Variants in CACNA1E observed in about 807,000 individuals in gnomAD.
The protein encoded by CACNA1E is voltage-dependent R-type calcium channel subunit alpha-1E.
In CACNA1E, 40 loss-of-function variants were observed where a neutral mutation model predicts 259.2. The observed-to-expected ratio is 0.15, with a 90% confidence interval of 0.12 to 0.20. The LOEUF (loss-of-function observed/expected upper bound fraction) is 0.20. Among genes scored for constraint, CACNA1E ranks in the 10% least tolerant of loss-of-function variants. The pLI, the probability that CACNA1E is intolerant of heterozygous loss-of-function variation, is 1.00. For missense variants in CACNA1E, 1,874 were observed against 3,040.1 expected, an observed-to-expected ratio of 0.62 and a Z score of 9.02; for synonymous variants, 1,104 against 1,138.5, an observed-to-expected ratio of 0.97 and a Z score of 0.61.
At chr1:181,532,434 G>A (rs753370786) in intron 3 of CACNA1E, among the ~76,000 whole-genome samples, 1 of 152,230 alleles carries the variant, frequency 6.6e-6, no homozygotes, top group Non-Finnish European at 1.5e-5. Context: ...TGGGTGTGTG[G>A]CAGCAGCACC....
At chr1:181,762,960 A>T (rs1658714398) in intron 33 of CACNA1E, among the ~76,000 whole-genome samples, 1 of 152,166 alleles carries the variant, frequency 6.6e-6, no homozygotes. Context: ...GTCTCAAAGG[A>T]GGCACAGTAT....
At chr1:181,745,970 G>A (rs4652677) in intron 25 of CACNA1E, among the ~76,000 whole-genome samples, 25,363 of 152,116 alleles carry the variant, frequency 0.17, 2,208 homozygotes, top group South Asian at 0.25. Flanking sequence ...AAAGGCTCTC[G>A]GGAGTGTGTG....
intron 2 of CACNA1E, among the ~76,000 whole-genome samples, chr1:181,447,684 T>C (rs1387777570): frequency 1.3e-5 from 2 of 152,210 alleles, no homozygotes; most frequent in Admixed American, 6.5e-5. Context: ...AGACCTGGTA[T>C]GGGCCTCCCC....
At chr1:181,661,675 A>C (rs1448989366) in intron 7 of CACNA1E, among the ~76,000 whole-genome samples, 4 of 152,100 alleles carry the variant, frequency 2.6e-5, no homozygotes, top group African/African-American at 9.7e-5. Context: ...TGTAAGCTAT[A>C]ATTTTTTGAG....
At chr1:181,411,387 A>AT (rs1344281811) in intron 1 of CACNA1E, among the ~76,000 whole-genome samples, 2 of 152,142 alleles carry the variant, frequency 1.3e-5, no homozygotes, top group Non-Finnish European at 2.9e-5. Context: ...CTCAACCTTT[A>AT]GGGGTGTAGT....
intron 2 of CACNA1E, among the ~76,000 whole-genome samples, chr1:181,423,589 G>C (rs1487289319): frequency 6.6e-6 from 1 of 151,900 alleles, no homozygotes; most frequent in Non-Finnish European, 1.5e-5. Context: ...TTCAGCATCA[G>C]CAACATATTC....
chr1:181,807,902 A>C lies in CACNA1E; in HGVS notation c.*9068A>C, dbSNP rs566181213. The C allele has an allele frequency of 3.3e-5, 5 of 152,230 alleles. No homozygotes were observed. In the South Asian group the frequency reaches 1.0e-3, roughly 32 times the overall value. The allele number at this position is 152,230 out of a possible 1,614,324, so 9.4% of individuals were successfully genotyped here. On this transcript the variant is annotated 3_prime_UTR_variant, in exon 48 of 48. Transcript: ENST00000367573. ...CTATCACCATTGGAGTTAGAATCTG[A>C]CAACCTTTAACTTCACACTTTTATG...
At chr1:181,658,889 G>T (rs926261949) in intron 7 of CACNA1E, among the ~76,000 whole-genome samples, 2 of 152,004 alleles carry the variant, frequency 1.3e-5, no homozygotes, top group African/African-American at 4.8e-5. Context: ...GGCTTTATTG[G>T]TGTCTGCAGG....
intron 2 of CACNA1E, among the ~76,000 whole-genome samples, chr1:181,472,948 G>A (rs1203425607): frequency 6.6e-6 from 1 of 152,162 alleles, no homozygotes; most frequent in African/African-American, 2.4e-5. Flanking sequence ...CTGGAGTGCA[G>A]GCAGGAAAAC....
At chr1:181,532,933 A>T (rs1047960195) in intron 3 of CACNA1E, among the ~76,000 whole-genome samples, 1 of 152,194 alleles carries the variant, frequency 6.6e-6, no homozygotes, top group African/African-American at 2.4e-5. Flanking sequence ...ATTATTACAT[A>T]CTTGCTTGCA....
At chr1:181,694,687 G>C (rs925560985) in intron 7 of CACNA1E, among the ~76,000 whole-genome samples, 1 of 152,126 alleles carries the variant, frequency 6.6e-6, no homozygotes, top group African/African-American at 2.4e-5. Flanking sequence ...TTGGTTTATT[G>C]TAAATTACCC....
intron 3 of CACNA1E, among the ~76,000 whole-genome samples, chr1:181,523,412 T>A (rs1233114785): frequency 6.6e-6 from 1 of 152,204 alleles, no homozygotes; most frequent in Non-Finnish European, 1.5e-5. Flanking sequence ...CTAAAAGTAT[T>A]GTTGAATGAG....
chr1:181,651,548 CACTT>C (rs746671072), intron 7 of CACNA1E, 107 bp downstream of exon 7: 2 of 768,580 alleles, frequency 2.6e-6, no homozygotes, highest in South Asian at 3.4e-5. Context: ...ATTTAGAAGA[CACTT>C]ACCTAGCAGT....
intron 1 of CACNA1E, among the ~76,000 whole-genome samples, chr1:181,348,984 T>A (rs1224125983): frequency 1.3e-5 from 2 of 152,142 alleles, no homozygotes; most frequent in African/African-American, 4.8e-5. Context: ...ATCCAGTGCT[T>A]GTCCCACCAG....
At chr1:181,722,984 A>G (rs1654549292) in intron 16 of CACNA1E, among the ~76,000 whole-genome samples, 1 of 152,198 alleles carries the variant, frequency 6.6e-6, no homozygotes, top group Non-Finnish European at 1.5e-5. Flanking sequence ...CTGGGCTTTG[A>G]TGCTAGAACA....
chr1:181,486,550 G>T (rs1384137417), intron 1 of CACNA1E, among the ~76,000 whole-genome samples: 5 of 152,202 alleles, frequency 3.3e-5, no homozygotes, highest in Non-Finnish European at 5.9e-5. Flanking sequence ...TCTGGGTAGT[G>T]GTTGCCCATA....
intron 7 of CACNA1E, among the ~76,000 whole-genome samples, chr1:181,709,193 G>T (rs1201555659): frequency 6.6e-6 from 1 of 152,196 alleles, no homozygotes; most frequent in Non-Finnish European, 1.5e-5. Flanking sequence ...CCAGCCCCTT[G>T]TTACTTTCAA....
Position 181,752,185 on chromosome 1 carries a change from G to A in CACNA1E, c.3774G>A (p.Arg1258=), listed in dbSNP as rs1273960350. 6.2e-7 allele frequency: 1 copy of A among 1,613,832 alleles called. No homozygotes were observed. The highest frequency in any genetic ancestry group is 1.3e-5 in the African/African-American group (1 of 74,928). The change falls in exon 27 of 48, where the codon CGG becomes CGA. Residue 1258 remains arginine (R), a synonymous_variant. Coordinates refer to ENST00000367573, the MANE Select transcript of CACNA1E (RefSeq NM_001205293.3). ...GRDIKTIKSL[R]VLRVLRPLKT... ...ACATCAAGACCATCAAGTCTCTGCG[G>A]GTGCTCCGAGTTCTAAGGCCACTGA...
At chr1:181,436,905 T>G (rs1205112422) in intron 2 of CACNA1E, among the ~76,000 whole-genome samples, 3 of 152,200 alleles carry the variant, frequency 2.0e-5, no homozygotes, top group Non-Finnish European at 2.9e-5. Flanking sequence ...GATATGTTAA[T>G]TAGCTTGATT....
Sources: gnomAD v4.1 joint callset for allele counts (sites outside exome capture counted in the v4.1 genomes callset) on GRCh38, gnomAD v4.1.1 for gene constraint, MANE v1.5 for transcripts, NCBI Gene and HGNC (gene_info 2026-07-23, HGNC 2026-07-21) for gene names.